WDR59: variants seen among roughly 807,000 people sequenced by gnomAD.
WDR59 encodes the protein GATOR2 complex protein WDR59.
Under a neutral mutation model 131.2 loss-of-function variants are expected in WDR59, and 100 were observed. The ratio of observed to expected loss-of-function variants is 0.76; its 90% CI spans 0.65 to 0.90. WDR59 has a LOEUF of 0.90. Ranked by LOEUF, WDR59 falls within the 40% of genes least tolerant of loss-of-function variation. The probability of loss-of-function intolerance (pLI) is 0.00; values close to 1 mark genes in which losing one functional copy is unlikely to be tolerated. For synonymous variants in WDR59, 601 were observed against 466.2 expected (o/e 1.29, Z -3.72); for missense variants, 1,203 against 1,262.2 (o/e 0.95, Z 0.71).
intron 20 of WDR59, 62 bp from the exon 21 acceptor site, chr16:74,889,877 G>T: frequency 7.8e-7 from 1 of 1,288,056 alleles, no homozygotes; most frequent in Non-Finnish European, 1.1e-6. Context: ...AAACCATGAA[G>T]CAATCCCACC....
rs549869460 is a variant in WDR59, at chr16:74,926,833, C to T, written c.652-2830G>A. Among the ~76,000 whole-genome samples, 246 of 152,132 alleles carry T rather than the reference C, an allele frequency of 1.6e-3. 6 individuals are homozygous for T. The South Asian group carries it at 0.049, about 30-fold the overall frequency. ...ATAACCTTCTGAAAAATTTAGAGTTCGAAGTGGGTGACTTTTTCTCCTCTC... is the reference window on the plus strand; with the variant it reads ...ATAACCTTCTGAAAAATTTAGAGTTTGAAGTGGGTGACTTTTTCTCCTCTC... On this transcript the variant is annotated intron_variant, in intron 8 of 25. Transcript: ENST00000262144.
chr16:74,907,645 G>A (rs894797553), intron 17 of WDR59, among the ~76,000 whole-genome samples: 7 of 152,170 alleles, frequency 4.6e-5, no homozygotes, highest in Non-Finnish European at 1.0e-4. Flanking sequence ...TGATTACACT[G>A]TATCCAGCGC....
chr16:74,952,116 A>T (rs2033037137), intron 3 of WDR59, among the ~76,000 whole-genome samples: 1 of 151,966 alleles, frequency 6.6e-6, no homozygotes, highest in Middle Eastern at 3.4e-3. Context: ...GGACTGCGCC[A>T]TCACAACTGG....
intron 2 of WDR59, among the ~76,000 whole-genome samples, chr16:74,964,564 G>C (rs1039710862): frequency 6.6e-6 from 1 of 152,030 alleles, no homozygotes; most frequent in Non-Finnish European, 1.5e-5. Flanking sequence ...TTACCATGTT[G>C]TATACTTTTT....
chr16:74,944,104 G>A (rs2032433824), intron 6 of WDR59, among the ~76,000 whole-genome samples: 2 of 152,120 alleles, frequency 1.3e-5, no homozygotes, highest in Admixed American at 1.3e-4. Context: ...CAGTGGGGAG[G>A]CATCAGAACT....
At chr16:74,958,619 A>C (rs2033417674) in intron 2 of WDR59, among the ~76,000 whole-genome samples, 1 of 143,402 alleles carries the variant, frequency 7.0e-6, no homozygotes, top group African/African-American at 2.6e-5. Flanking sequence ...AAAAAAAAAA[A>C]ACAAGCTAAA....
intron 1 of WDR59, chr16:74,978,933 C>T (rs1446662058): frequency 2.6e-5 from 4 of 152,180 alleles, no homozygotes; most frequent in Non-Finnish European, 5.9e-5. Flanking sequence ...TTCTTCTCTT[C>T]AACACAGGAG....
intron 21 of WDR59, among the ~76,000 whole-genome samples, chr16:74,889,002 A>C (rs966472232): frequency 1.3e-5 from 2 of 152,230 alleles, no homozygotes; most frequent in Admixed American, 6.5e-5. Context: ...CACACTCACT[A>C]TCTTATTTGA....
At position 74,975,701 on chromosome 16, in the gene WDR59, A is replaced by T. The variant is rs142972315; in HGVS notation, c.54+9263T>A. On this transcript the variant is annotated intron_variant, in intron 1 of 25. Transcript: ENST00000262144. ...AAGTAAAAAAAAGAAAAAAAAATTT[A>T]AAAAAGAAAACTGAAGCTTAGAAAG... Among the ~76,000 whole-genome samples the T allele has an allele frequency of 7.0e-3, 1,070 of 151,966 alleles. 7 individuals are homozygous for T. Among genetic ancestry groups the T allele is most frequent in the African/African-American group, 0.025 (1,037 of 41,538 alleles).
At chr16:74,928,834 A>G (rs1448549021) in intron 8 of WDR59, among the ~76,000 whole-genome samples, 1 of 152,036 alleles carries the variant, frequency 6.6e-6, no homozygotes, top group African/African-American at 2.4e-5. Flanking sequence ...GCTTGAACCC[A>G]GGAGGTGGAG....
intron 25 of WDR59, among the ~76,000 whole-genome samples, chr16:74,876,542 CATT>C (rs1334612692): frequency 6.6e-6 from 1 of 152,142 alleles, no homozygotes; most frequent in Non-Finnish European, 1.5e-5. Flanking sequence ...CTCACAGTAT[CATT>C]AATAATTGTG....
intron 17 of WDR59, among the ~76,000 whole-genome samples, chr16:74,905,189 A>G (rs1346349870): frequency 6.6e-6 from 1 of 151,688 alleles, no homozygotes; most frequent in Non-Finnish European, 1.5e-5. Flanking sequence ...CAGCCTGACC[A>G]ACGTGGAGAA....
rs542047449 is a variant in WDR59, at chr16:74,971,548, T to G, written c.55-5726A>C. ...CCTGAGTTCAAGCAATTCTCCCGCC[T>G]CAGCCTCCTGAGTAGCTGGGATTAC... On this transcript the variant is annotated intron_variant, in intron 1 of 25. Transcript: ENST00000262144. Among the ~76,000 whole-genome samples the G allele has an allele frequency of 4.1e-5, 6 of 144,846 alleles. No homozygotes were observed. The East Asian group carries it at 1.3e-3, about 32-fold the overall frequency.
intron 18 of WDR59, among the ~76,000 whole-genome samples, chr16:74,899,090 A>G (rs911427809): frequency 6.6e-6 from 1 of 152,184 alleles, no homozygotes; most frequent in South Asian, 2.1e-4. Flanking sequence ...AAGACAGAAG[A>G]GGGGAAATGG....
intron 18 of WDR59, among the ~76,000 whole-genome samples, chr16:74,900,143 TAAG>T (rs1016021059): frequency 2.6e-5 from 4 of 152,090 alleles, no homozygotes; most frequent in Non-Finnish European, 4.4e-5. Flanking sequence ...CTGTAGGAGG[TAAG>T]AAGGAGAACA....
rs1467111324 is a variant in WDR59, at chr16:74,874,437, G to C, written c.2697C>G (p.Gly899=). ...CACTCCGGCAGTGGCTGCAGTACAC[G>C]CCGAACTCTGGAAATGGGCAGGGAC... ...PPDPHKGIEF[G]VYCSHCRSEV... is the part of the protein sequence containing the mutation. Residue 899 remains glycine, a synonymous_variant, in exon 26 of 26, where the codon GGC becomes GGG. Coordinates refer to ENST00000262144, the MANE Select transcript of WDR59 (RefSeq NM_030581.4). 6.2e-7 allele frequency: 1 copy of C among 1,613,790 alleles called. No individual in the cohort carries two copies.
chr16:74,971,797 C>T (rs1246540601), intron 1 of WDR59, among the ~76,000 whole-genome samples: 4 of 152,148 alleles, frequency 2.6e-5, no homozygotes, highest in Non-Finnish European at 5.9e-5. Flanking sequence ...TAACCCCAAA[C>T]TTCTGGGCTC....
chr16:74,898,857 C>T (rs895793344), intron 18 of WDR59, among the ~76,000 whole-genome samples: 14 of 152,214 alleles, frequency 9.2e-5, no homozygotes, highest in African/African-American at 3.4e-4. Context: ...CTGGGACAGG[C>T]TTTTGGAAGG....
chr16:74,956,520 C>G lies in WDR59; in HGVS notation c.195G>C (p.Val65=), dbSNP rs1166315413. ...CAAAGCTGTCATGAGGATTCCACTG[C>G]ACAGCTCCAATGTCCCATTTGCTCT... is the stretch of plus-strand genomic sequence containing the variant. ...SRQSKWDIGA[V]QWNPHDSFAH... The change falls in exon 3 of 26, where the codon GTG becomes GTC. Residue 65 remains valine, a synonymous_variant. Coordinates refer to ENST00000262144, the MANE Select transcript of WDR59 (RefSeq NM_030581.4). 1.9e-6 allele frequency: 3 copies of G among 1,614,008 alleles called. No individual in the cohort carries two copies. The highest frequency in any genetic ancestry group is 2.5e-6 in the Non-Finnish European group (3 of 1,180,038).
Sources: allele counts gnomAD v4.1 joint callset (sites outside exome capture counted in the v4.1 genomes callset), GRCh38; gene constraint gnomAD v4.1.1; transcripts MANE v1.5; gene names NCBI Gene and HGNC (gene_info 2026-07-23, HGNC 2026-07-21).